Variants in RAD51B observed in about 807,000 individuals in gnomAD.
RAD51B encodes the protein DNA repair protein RAD51 homolog 2.
RAD51B carries 38 observed loss-of-function variants against 42.2 expected under a neutral mutation model. The ratio of observed to expected loss-of-function variants is 0.90; its 90% CI spans 0.70 to 1.18. The LOEUF is 1.18. Among genes scored for constraint, RAD51B ranks in the 50% most tolerant of loss-of-function variants. The probability of loss-of-function intolerance (pLI) is 0.00; values close to 1 mark genes in which losing one functional copy is unlikely to be tolerated. For missense variants in RAD51B, 373 were observed against 400.7 expected (o/e 0.93, Z 0.59); for synonymous variants, 154 against 145.2 (o/e 1.06, Z -0.43).
At chr14:67,824,234 GT>G (rs2040732429) in intron 2 of RAD51B, among the ~76,000 whole-genome samples, 1 of 151,756 alleles carries the variant, frequency 6.6e-6, no homozygotes, top group Non-Finnish European at 1.5e-5. Flanking sequence ...TAGATTTAAG[GT>G]TTTATCTTAG....
chr14:68,537,043 T>C (rs1887662736), intron 10 of RAD51B, among the ~76,000 whole-genome samples: 1 of 138,234 alleles, frequency 7.2e-6, no homozygotes, highest in African/African-American at 2.7e-5. Flanking sequence ...CAGTGAGCCA[T>C]GACTGCACCA....
intron 10 of RAD51B, among the ~76,000 whole-genome samples, chr14:68,471,715 A>G (rs2086131866): frequency 6.6e-6 from 1 of 151,738 alleles, no homozygotes; most frequent in Non-Finnish European, 1.5e-5. Context: ...AAAGGAAGAA[A>G]AAAAGTAAAT....
intron 10 of RAD51B, among the ~76,000 whole-genome samples, chr14:68,521,746 A>G (rs1009544284): frequency 6.6e-6 from 1 of 152,002 alleles, no homozygotes; most frequent in Non-Finnish European, 1.5e-5. Context: ...TTCTTCCTCC[A>G]TTTCTGAATC....
At chr14:67,861,090 G>A (rs2042148877) in intron 4 of RAD51B, among the ~76,000 whole-genome samples, 1 of 152,144 alleles carries the variant, frequency 6.6e-6, no homozygotes, top group Non-Finnish European at 1.5e-5. Context: ...CCGCTTGAGT[G>A]GTGGAGGTGG....
At chr14:68,316,764 G>A (rs2082071760) in intron 8 of RAD51B, among the ~76,000 whole-genome samples, 4 of 152,130 alleles carry the variant, frequency 2.6e-5, no homozygotes, top group Admixed American at 2.6e-4. Flanking sequence ...GACCTTGGAG[G>A]TTAAAATGAA....
chr14:68,581,483 C>T (rs1023955079), intron 10 of RAD51B, among the ~76,000 whole-genome samples: 1 of 152,044 alleles, frequency 6.6e-6, no homozygotes, highest in Non-Finnish European at 1.5e-5. Flanking sequence ...GATGTAATCT[C>T]ATCATAAGTC....
chr14:68,258,087 C>T (rs1386039580), intron 7 of RAD51B, among the ~76,000 whole-genome samples: 1 of 151,946 alleles, frequency 6.6e-6, no homozygotes, highest in African/African-American at 2.4e-5. Context: ...ATCTGAGATT[C>T]AGAAACATAA....
chr14:68,208,923 T>C (rs962460988), intron 7 of RAD51B, among the ~76,000 whole-genome samples: 1 of 152,240 alleles, frequency 6.6e-6, no homozygotes, highest in African/African-American at 2.4e-5. Context: ...GCAACCTCTA[T>C]GGGCAATCTG....
chr14:68,581,689 C>T (rs2252819), intron 10 of RAD51B, among the ~76,000 whole-genome samples: 3 of 152,086 alleles, frequency 2.0e-5, no homozygotes, highest in African/African-American at 4.8e-5. Flanking sequence ...AAAAAGAGCC[C>T]GTGCAGCCAA....
At chr14:68,605,787 T>G (rs1298397871) in intron 10 of RAD51B, among the ~76,000 whole-genome samples, 3 of 152,174 alleles carry the variant, frequency 2.0e-5, no homozygotes, top group Non-Finnish European at 2.9e-5. Flanking sequence ...CAGTACAGCC[T>G]TCCTGCCCCC....
intron 7 of RAD51B, among the ~76,000 whole-genome samples, chr14:67,968,540 A>G (rs939304049): frequency 1.3e-5 from 2 of 152,158 alleles, no homozygotes; most frequent in Non-Finnish European, 2.9e-5. Context: ...TCTCAAGTTC[A>G]AAGTTCCACA....
At chr14:68,163,543 G>C (rs1670739945) in intron 7 of RAD51B, among the ~76,000 whole-genome samples, 1 of 151,976 alleles carries the variant, frequency 6.6e-6, no homozygotes, top group African/African-American at 2.4e-5. Flanking sequence ...AATACTCATT[G>C]CTTTTTCTAT....
intron 7 of RAD51B, among the ~76,000 whole-genome samples, chr14:68,054,059 T>C (rs929703710): frequency 1.3e-5 from 2 of 152,242 alleles, no homozygotes; most frequent in Non-Finnish European, 2.9e-5. Flanking sequence ...AATGTTTCCA[T>C]GCATGTTTCC....
At chr14:68,523,270 A>C (rs908166843) in intron 10 of RAD51B, among the ~76,000 whole-genome samples, 1 of 152,180 alleles carries the variant, frequency 6.6e-6, no homozygotes, top group Admixed American at 6.5e-5. Context: ...GGGAAGCCTG[A>C]GGGCTTTTTT....
chr14:68,653,874 CA>C lies in RAD51B; in HGVS notation c.*11+3019del, dbSNP rs546287787. 1.2e-4 allele frequency among the ~76,000 whole-genome samples: 19 copies of C among 152,342 alleles called. No homozygotes were observed. In the South Asian group the frequency reaches 2.5e-3, roughly 20 times the overall value. On this transcript the variant is annotated intron_variant, in intron 11 of 11. Coordinates refer to the RAD51B transcript ENST00000488612. ...CAGAGAAACAGCATGTGCAAAGGCA[CA>C]GGGGTACCACAGAACAAGTCAGTTG...
chr14:68,533,669 C>G (rs2140354140), intron 10 of RAD51B, among the ~76,000 whole-genome samples: 1 of 149,912 alleles, frequency 6.7e-6, no homozygotes, highest in East Asian at 2.0e-4. Flanking sequence ...CATTGGAGGT[C>G]TGAGGGGAGA....
At chr14:68,196,094 C>CT (rs1227824290) in intron 7 of RAD51B, among the ~76,000 whole-genome samples, 2 of 150,454 alleles carry the variant, frequency 1.3e-5, no homozygotes, top group African/African-American at 4.9e-5. Context: ...GTCCCAGCTA[C>CT]TTGGGAGGCT....
intron 9 of RAD51B, among the ~76,000 whole-genome samples, chr14:68,427,649 A>G (rs2084886313): frequency 6.6e-6 from 1 of 152,208 alleles, no homozygotes; most frequent in Non-Finnish European, 1.5e-5. Flanking sequence ...TTATAGGCTC[A>G]CAACTAACAG....
At chr14:67,941,745 G>T (rs570915114) in intron 7 of RAD51B, among the ~76,000 whole-genome samples, 2 of 152,316 alleles carry the variant, frequency 1.3e-5, no homozygotes, top group African/African-American at 4.8e-5. Flanking sequence ...TTGGCTAGGG[G>T]TCTGCTAAAG....
Sources: gnomAD v4.1 joint callset for allele counts (sites outside exome capture counted in the v4.1 genomes callset) on GRCh38, gnomAD v4.1.1 for gene constraint, MANE v1.5 for transcripts, NCBI Gene and HGNC (gene_info 2026-07-23, HGNC 2026-07-21) for gene names.